The following CSMD1 variants were observed in gnomAD, a reference collection of about 807,000 sequenced individuals.
The protein encoded by CSMD1 is CUB and Sushi multiple domains 1.
CSMD1 carries 213 observed loss-of-function variants against 417.5 expected under a neutral mutation model. The observed-to-expected ratio is 0.51, with a 90% CI of 0.46 to 0.57. The LOEUF is 0.57. CSMD1 is among the 20% of genes least tolerant of loss of function. The pLI is 0.00. For missense variants in CSMD1, 6,923 were observed against 4,529.7 expected, an observed-to-expected ratio of 1.53 and a Z score of -15.17; for synonymous variants, 2,862 against 1,736.8, an observed-to-expected ratio of 1.65 and a Z score of -16.11.
Position 3,810,797 on chromosome 8 carries a change from T to C in CSMD1, c.819-56755A>G, listed in dbSNP as rs141116987. 2.9e-4 allele frequency among the ~76,000 whole-genome samples: 44 copies of C among 152,278 alleles called. No homozygotes were observed. In the East Asian group the frequency reaches 7.7e-3, roughly 27 times the overall value. The stretch of plus-strand genomic sequence containing the variant: ...TTGCATCACTGGGTCCGGCACATCA[T>C]CAGGCTGACCTCACTCTTTGTAACA... On this transcript the variant is annotated intron_variant, in intron 5 of 69. Coordinates refer to ENST00000635120, the MANE Select transcript of CSMD1 (RefSeq NM_033225.6).
chr8:3,297,054 T>C (rs1331534438), intron 25 of CSMD1, among the ~76,000 whole-genome samples: 6 of 152,210 alleles, frequency 3.9e-5, no homozygotes. Flanking sequence ...GATTCTGAAG[T>C]ACCTGGTCAC....
At chr8:3,763,629 T>C (rs1252950955) in intron 5 of CSMD1, among the ~76,000 whole-genome samples, 2 of 152,104 alleles carry the variant, frequency 1.3e-5, no homozygotes, top group Non-Finnish European at 1.5e-5. Flanking sequence ...AAAAATAAAT[T>C]ACCCAGTCTC....
intron 10 of CSMD1, among the ~76,000 whole-genome samples, chr8:3,500,911 G>T (rs4602914): frequency 8.6e-5 from 13 of 151,958 alleles, no homozygotes; most frequent in African/African-American, 2.9e-4. Context: ...GTGTCAGAGA[G>T]GATTTTTTCT....
intron 1 of CSMD1, among the ~76,000 whole-genome samples, chr8:4,695,889 C>T (rs1201303853): frequency 1.3e-5 from 2 of 152,150 alleles, no homozygotes; most frequent in African/African-American, 2.4e-5. Flanking sequence ...ATGAGAAACC[C>T]TATGTATTTG....
At chr8:3,783,219 C>T (rs933133539) in intron 5 of CSMD1, among the ~76,000 whole-genome samples, 1 of 152,218 alleles carries the variant, frequency 6.6e-6, no homozygotes, top group African/African-American at 2.4e-5. Flanking sequence ...TCCTGGATAG[C>T]AGTGCATGGT....
chr8:3,830,103 C>G (rs151277797), intron 5 of CSMD1, among the ~76,000 whole-genome samples: 1 of 152,134 alleles, frequency 6.6e-6, no homozygotes, highest in African/African-American at 2.4e-5. Context: ...GTTTTCTTGA[C>G]CCTAAAGTGA....
chr8:4,453,456 A>G (rs891086168), intron 2 of CSMD1, among the ~76,000 whole-genome samples: 1 of 152,180 alleles, frequency 6.6e-6, no homozygotes, highest in Admixed American at 6.5e-5. Context: ...TGCAGCAGCA[A>G]GAACGGTGAT....
rs1043355494 is a variant in CSMD1 at position 4,747,552 on chromosome 8, C to G, written c.86-109994G>C. Among the ~76,000 whole-genome samples the G allele has an allele frequency of 1.3e-5, 2 of 152,148 alleles. 1 individual carries two copies. Among genetic ancestry groups the G allele is most frequent in the Non-Finnish European group, 2.9e-5 (2 of 68,020 alleles). ...ACTGATATTTGTCTTAATTTATGAT[C>G]CTCCTACGGTGACTATATTGTCACC... On this transcript the variant is annotated intron_variant, in intron 1 of 69. Transcript: ENST00000635120.
chr8:3,997,991 C>A lies in CSMD1; in HGVS notation c.730G>T (p.Asp244Tyr). Residue 244 changes from aspartate to tyrosine, a missense_variant, in exon 5 of 70, where the codon GAC becomes TAC. Physicochemically the swap from Asp to Tyr is radical, Grantham distance 160 (BLOSUM62 -3). Transcript: ENST00000635120. ...TCAGTGAAGACCAGCGCAATGGTGTCCCCGGGCTCAGCCAGAATGGTCCAG... is the reference window on the plus strand; with the variant it reads ...TCAGTGAAGACCAGCGCAATGGTGTACCCGGGCTCAGCCAGAATGGTCCAG... ...CTWTILAEPG[D>Y]TIALVFTDFQ... 6.2e-7 allele frequency: 1 copy of A among 1,610,254 alleles called. No individual in the cohort carries two copies. Among genetic ancestry groups the A allele is most frequent in the East Asian group, 2.2e-5 (1 of 44,758 alleles).
At chr8:4,932,729 C>T (rs7842153) in intron 1 of CSMD1, among the ~76,000 whole-genome samples, 47,275 of 151,988 alleles carry the variant, frequency 0.31, 8,309 homozygotes, top group Non-Finnish European at 0.41. Context: ...AGTGATCAGC[C>T]TTAAGTACGA....
chr8:3,985,432 C>G (rs1348303430), intron 5 of CSMD1, among the ~76,000 whole-genome samples: 1 of 152,060 alleles, frequency 6.6e-6, no homozygotes, highest in Non-Finnish European at 1.5e-5. Context: ...TGCACACACA[C>G]ACAAACACAC....
At chr8:3,969,892 T>A (rs759980687) in intron 5 of CSMD1, among the ~76,000 whole-genome samples, 1 of 152,120 alleles carries the variant, frequency 6.6e-6, no homozygotes, top group Non-Finnish European at 1.5e-5. Context: ...AAGCTCTGGA[T>A]AATTTGCAAA....
intron 5 of CSMD1, among the ~76,000 whole-genome samples, chr8:3,826,883 T>A (rs1802085106): frequency 1.3e-5 from 2 of 152,208 alleles, no homozygotes; most frequent in South Asian, 4.1e-4. Context: ...GCCTCCTGAG[T>A]TCAACCCATT....
chr8:3,257,745 G>A (rs1377309305), intron 26 of CSMD1, among the ~76,000 whole-genome samples: 1 of 152,078 alleles, frequency 6.6e-6, no homozygotes, highest in Non-Finnish European at 1.5e-5. Context: ...GACATTTCTG[G>A]GGCTGGAGCT....
intron 3 of CSMD1, among the ~76,000 whole-genome samples, chr8:4,089,686 G>C (rs913552971): frequency 6.6e-6 from 1 of 152,160 alleles, no homozygotes; most frequent in South Asian, 2.1e-4. Flanking sequence ...TTAACATATA[G>C]AATGTGCCCA....
At chr8:3,755,793 C>A (rs1797622126) in intron 5 of CSMD1, among the ~76,000 whole-genome samples, 1 of 152,036 alleles carries the variant, frequency 6.6e-6, no homozygotes, top group South Asian at 2.1e-4. Context: ...AGTGTTTATG[C>A]CACTGTTTGA....
chr8:3,009,701 C>G (rs1398684941), intron 52 of CSMD1, among the ~76,000 whole-genome samples: 2 of 152,106 alleles, frequency 1.3e-5, no homozygotes, highest in Non-Finnish European at 2.9e-5. Flanking sequence ...CCGACTTAGC[C>G]CATGCATAGA....
chr8:3,711,752 C>T (rs1801520807), intron 6 of CSMD1, among the ~76,000 whole-genome samples: 2 of 152,268 alleles, frequency 1.3e-5, no homozygotes, highest in Non-Finnish European at 2.9e-5. Context: ...CGTATCACCC[C>T]CACTATCTTG....
intron 10 of CSMD1, among the ~76,000 whole-genome samples, chr8:3,552,443 T>C (rs1046541309): frequency 1.3e-5 from 2 of 152,228 alleles, no homozygotes; most frequent in Non-Finnish European, 2.9e-5. Flanking sequence ...AAAGGGATTG[T>C]TGTTAGGCAG....
Sources: allele counts gnomAD v4.1 joint callset (sites outside exome capture counted in the v4.1 genomes callset), GRCh38; gene constraint gnomAD v4.1.1; transcripts MANE v1.5; gene names NCBI Gene and HGNC (gene_info 2026-07-23, HGNC 2026-07-21).